The following AKAP13 variants were observed in gnomAD, a reference collection of about 807,000 sequenced individuals.
The protein encoded by AKAP13 is A-kinase anchor protein 13.
A neutral mutation model predicts 264.5 loss-of-function variants in AKAP13; 80 were observed. That is an observed-to-expected ratio of 0.30 (90% CI 0.25 to 0.36). AKAP13 has a LOEUF of 0.36. Ranked by LOEUF, AKAP13 falls within the 10% of genes least tolerant of loss-of-function variation. The probability of loss-of-function intolerance (pLI) is 1.00; values close to 1 mark genes in which losing one functional copy is unlikely to be tolerated. For synonymous variants in AKAP13, 1,380 were observed against 1,250.2 expected (o/e 1.10, Z -2.19); for missense variants, 3,712 against 3,435.2 (o/e 1.08, Z -2.01).
intron 1 of AKAP13, among the ~76,000 whole-genome samples, chr15:85,465,512 C>T (rs1169434847): frequency 9.2e-6 from 1 of 108,742 alleles, no homozygotes; most frequent in Non-Finnish European, 1.8e-5. Flanking sequence ...TCCCCCCACC[C>T]CACAACAGTC....
chr15:85,522,060 T>C (rs1455682409), intron 3 of AKAP13, among the ~76,000 whole-genome samples: 2 of 152,304 alleles, frequency 1.3e-5, no homozygotes, highest in Admixed American at 1.3e-4. Context: ...TCCTGTGATG[T>C]ATATCATATC....
At chr15:85,627,076 A>G (rs2081442780) in intron 8 of AKAP13, among the ~76,000 whole-genome samples, 1 of 152,142 alleles carries the variant, frequency 6.6e-6, no homozygotes, top group South Asian at 2.1e-4. Flanking sequence ...ATCTGCGAAT[A>G]GGTATTATTT....
intron 1 of AKAP13, among the ~76,000 whole-genome samples, chr15:85,464,161 T>A (rs2074634765): frequency 6.6e-6 from 1 of 152,250 alleles, no homozygotes; most frequent in South Asian, 2.1e-4. Context: ...TTCTGTTTTA[T>A]CTGACTGGCG....
At chr15:85,479,021 T>C (rs1327050028) in intron 1 of AKAP13, among the ~76,000 whole-genome samples, 5 of 152,232 alleles carry the variant, frequency 3.3e-5, no homozygotes, top group South Asian at 2.1e-4. Context: ...TGCTCAATTA[T>C]TAATGTAGCT....
chr15:85,415,037 GT>G (rs2072171378), intron 1 of AKAP13, among the ~76,000 whole-genome samples: 1 of 152,084 alleles, frequency 6.6e-6, no homozygotes, highest in South Asian at 2.1e-4. Context: ...GGAGTGGTTT[GT>G]TTCTTAAATT....
At position 85,708,134 on chromosome 15, in the gene AKAP13, C is replaced by T. The variant is rs2086417991; in HGVS notation, c.5532+48C>T. On this transcript the variant is annotated intron_variant, in intron 18 of 36. Transcript: ENST00000394518. The surrounding 1 kb of genome is among the most constrained non-coding windows in gnomAD (Gnocchi z 4.3). ...AGGCTTAAAATAAAAGGGTTTAAAC[C>T]AGCAAAATCCTCGGGAGTTGGGAGA... The T allele has an allele frequency of 1.9e-6, 3 of 1,573,594 alleles. No homozygotes were observed. Among genetic ancestry groups the T allele is most frequent in the Admixed American group, 3.4e-5 (2 of 58,422 alleles).
At chr15:85,592,155 G>C (rs747047060) in intron 8 of AKAP13, among the ~76,000 whole-genome samples, 2 of 145,988 alleles carry the variant, frequency 1.4e-5, no homozygotes, top group Non-Finnish European at 1.5e-5. Flanking sequence ...CTTCAGGACT[G>C]TAGTAAGGGC....
chr15:85,632,644 C>T (rs951280878), intron 8 of AKAP13, among the ~76,000 whole-genome samples: 2 of 152,110 alleles, frequency 1.3e-5, no homozygotes, highest in African/African-American at 2.4e-5. Context: ...AGCATATTTA[C>T]TTAAAGATAT....
At chr15:85,726,563 C>T (rs2087626362) in intron 27 of AKAP13, 77 bp downstream of exon 27, 7 of 1,231,266 alleles carry the variant, frequency 5.7e-6, no homozygotes, top group South Asian at 1.3e-5. Flanking sequence ...TATGTTATTG[C>T]TCTCCCCCGC....
intron 2 of AKAP13, among the ~76,000 whole-genome samples, chr15:85,494,043 A>C (rs1036464503): frequency 1.2e-4 from 18 of 152,230 alleles, no homozygotes; most frequent in Non-Finnish European, 2.2e-4. Context: ...AAAATCCAAT[A>C]TGCAAAAGAT....
intron 1 of AKAP13, among the ~76,000 whole-genome samples, chr15:85,479,366 C>T (rs143932340): frequency 3.7e-4 from 56 of 152,288 alleles, no homozygotes; most frequent in African/African-American, 1.3e-3. Flanking sequence ...ATTGTCATTT[C>T]CATGTTAACC....
chr15:85,557,092 G>T (rs2078178407), intron 5 of AKAP13, among the ~76,000 whole-genome samples: 1 of 152,152 alleles, frequency 6.6e-6, no homozygotes, highest in African/African-American at 2.4e-5. Flanking sequence ...TTTAAAATGT[G>T]ATCTAAAGAA....
chr15:85,656,505 G>A (rs934660207), intron 11 of AKAP13, among the ~76,000 whole-genome samples: 1 of 152,040 alleles, frequency 6.6e-6, no homozygotes, highest in Admixed American at 6.6e-5. Flanking sequence ...GGAGTGCAGC[G>A]GCGCAATCTC....
intron 23 of AKAP13, among the ~76,000 whole-genome samples, chr15:85,721,254 A>G (rs1302821104): frequency 6.6e-6 from 1 of 152,218 alleles, no homozygotes; most frequent in Non-Finnish European, 1.5e-5. Context: ...GCTTTGTCAT[A>G]TGAGCAGATA....
chr15:85,382,446 A>C (rs2070331325), intron 1 of AKAP13, among the ~76,000 whole-genome samples: 1 of 151,962 alleles, frequency 6.6e-6, no homozygotes, highest in Admixed American at 6.6e-5. Flanking sequence ...GATTCACAGT[A>C]CTCGCTCCAT....
intron 8 of AKAP13, among the ~76,000 whole-genome samples, chr15:85,632,871 ATTTT>A (rs11327974): frequency 6.7e-6 from 1 of 148,866 alleles, no homozygotes; most frequent in Non-Finnish European, 1.5e-5. Flanking sequence ...AAGAAATAAA[ATTTT>A]TTTTTTTTTG....
chr15:85,589,082 ACT>A (rs1439224629), intron 8 of AKAP13, among the ~76,000 whole-genome samples: 1 of 151,900 alleles, frequency 6.6e-6, no homozygotes, highest in African/African-American at 2.4e-5. Context: ...TGACTACTTA[ACT>A]CTTCTCCGTG....
At chr15:85,622,648 T>C (rs979317647) in intron 8 of AKAP13, among the ~76,000 whole-genome samples, 1 of 152,202 alleles carries the variant, frequency 6.6e-6, no homozygotes, top group Non-Finnish European at 1.5e-5. Flanking sequence ...TGAATGGATA[T>C]GAGACACAGG....
intron 5 of AKAP13, among the ~76,000 whole-genome samples, chr15:85,567,574 A>G (rs1297106591): frequency 2.0e-5 from 3 of 152,220 alleles, no homozygotes; most frequent in Admixed American, 1.3e-4. Flanking sequence ...AGGGGCAGAC[A>G]CTAAGCTAAA....
Sources: gnomAD v4.1 joint callset for allele counts (sites outside exome capture counted in the v4.1 genomes callset) on GRCh38, gnomAD v4.1.1 for gene constraint, Gnocchi (gnomAD v3.1) non-coding constraint, MANE v1.5 for transcripts, NCBI Gene and HGNC (gene_info 2026-07-23, HGNC 2026-07-21) for gene names.